The following SV2C variants were observed in gnomAD, a reference collection of about 807,000 sequenced individuals.
SV2C encodes solute carrier family 22 member B3.
SV2C carries 49 observed loss-of-function variants against 79.7 expected under a neutral mutation model. That is an observed-to-expected ratio of 0.61 (90% CI 0.49 to 0.78). The LOEUF (loss-of-function observed/expected upper bound fraction) is 0.78. Among genes scored for constraint, SV2C ranks in the 30% least tolerant of loss-of-function variants. SV2C has a pLI of 0.00. For synonymous variants in SV2C, 334 were observed against 333.2 expected (o/e 1.00, Z -0.03); for missense variants, 833 against 912.9 (o/e 0.91, Z 1.13).
the SV2C span, among the ~76,000 whole-genome samples, chr5:75,865,895 C>T: frequency 3.3e-5 from 5 of 152,196 alleles, no homozygotes; most frequent in Admixed American, 1.3e-4. Flanking sequence ...ACAATGGGCA[C>T]ATGAATGGAG....
At chr5:76,148,366 T>A (rs1352612409) in intron 2 of SV2C, among the ~76,000 whole-genome samples, 1 of 152,178 alleles carries the variant, frequency 6.6e-6, no homozygotes, top group Non-Finnish European at 1.5e-5. Flanking sequence ...CAAAATGGAT[T>A]TAAGATTTAA....
the SV2C span, among the ~76,000 whole-genome samples, chr5:75,995,947 T>C: frequency 6.6e-6 from 1 of 152,150 alleles, no homozygotes; most frequent in African/African-American, 2.4e-5. Context: ...CTCTCCAATG[T>C]ACATGTGGTA....
chr5:75,897,932 T>G, the SV2C span, among the ~76,000 whole-genome samples: 1 of 151,906 alleles, frequency 6.6e-6, no homozygotes, highest in Non-Finnish European at 1.5e-5. Flanking sequence ...TCCTGAGACT[T>G]TGCTGAAGTT....
intron 4 of SV2C, among the ~76,000 whole-genome samples, chr5:76,229,478 G>A (rs1745348416): frequency 5.3e-5 from 8 of 152,236 alleles, no homozygotes; most frequent in Admixed American, 5.2e-4. Context: ...AAGTCCTTCA[G>A]TGGGGTTAGT....
intron 12 of SV2C, among the ~76,000 whole-genome samples, chr5:76,319,316 G>A (rs972480364): frequency 6.6e-6 from 1 of 152,040 alleles, no homozygotes; most frequent in Middle Eastern, 3.4e-3. Flanking sequence ...CTACCAAAAG[G>A]CTGAGGTGGG....
chr5:76,054,147 C>T, the SV2C span, among the ~76,000 whole-genome samples: 2,114 of 152,144 alleles, frequency 0.014, 32 homozygotes, highest in Non-Finnish European at 0.02. Flanking sequence ...CCTCCCTTTA[C>T]CCACCCCCCT....
rs567388516 is a variant in SV2C, at chr5:76,135,839, G to T, written c.580+3509G>T. On this transcript the variant is annotated intron_variant, in intron 2 of 12. Transcript: ENST00000502798. ...GTGGTTGTTGAGGGGGGCAGGTATGGTTCTAAGATTACCCCTAGGCAGGAA... is the reference window on the plus strand; with the variant it reads ...GTGGTTGTTGAGGGGGGCAGGTATGTTTCTAAGATTACCCCTAGGCAGGAA... Among the ~76,000 whole-genome samples the T allele has an allele frequency of 2.8e-4, 42 of 152,236 alleles. 1 individual carries two copies. In the South Asian group the frequency reaches 8.7e-3, roughly 32 times the overall value.
At chr5:76,260,721 T>C (rs1232634984) in intron 4 of SV2C, among the ~76,000 whole-genome samples, 1 of 152,364 alleles carries the variant, frequency 6.6e-6, no homozygotes, top group South Asian at 2.1e-4. Flanking sequence ...ATTGCTTGTT[T>C]TTGTCAGGTT....
chr5:76,069,478 T>C, the SV2C span, among the ~76,000 whole-genome samples: 3 of 151,950 alleles, frequency 2.0e-5, no homozygotes, highest in South Asian at 2.1e-4. Context: ...TGTTTTGTCC[T>C]GTACAGGGCC....
At chr5:75,956,826 G>A in the SV2C span, among the ~76,000 whole-genome samples, 1 of 151,972 alleles carries the variant, frequency 6.6e-6, no homozygotes, top group Non-Finnish European at 1.5e-5. Context: ...CCCACTGGTA[G>A]AGATAGCAGC....
the SV2C span, among the ~76,000 whole-genome samples, chr5:75,964,082 T>C: frequency 6.6e-6 from 1 of 152,128 alleles, no homozygotes; most frequent in Non-Finnish European, 1.5e-5. Context: ...TTAAGGTCCT[T>C]CTGTCTCTTG....
At chr5:75,867,727 C>A in the SV2C span, among the ~76,000 whole-genome samples, 39 of 152,272 alleles carry the variant, frequency 2.6e-4, no homozygotes, top group Non-Finnish European at 3.1e-4. Flanking sequence ...GTGAAGATTT[C>A]CTGTCTTTCC....
At chr5:76,344,624 G>A (rs1023078015) in intron 12 of SV2C, among the ~76,000 whole-genome samples, 3 of 152,124 alleles carry the variant, frequency 2.0e-5, no homozygotes, top group African/African-American at 4.8e-5. Flanking sequence ...TAGGAGAATC[G>A]CTTGAACCTG....
chr5:75,995,775 G>A, the SV2C span, among the ~76,000 whole-genome samples: 2 of 152,156 alleles, frequency 1.3e-5, no homozygotes, highest in Non-Finnish European at 1.5e-5. Context: ...GACATTAGAA[G>A]CTCATTCAGG....
At chr5:76,242,090 A>G in intron 4 of SV2C, 1 of 1,450,706 alleles carries the variant, frequency 6.9e-7, no homozygotes, top group Non-Finnish European at 9.6e-7. Context: ...CATTTCCTGC[A>G]GGGTTATTTC....
chr5:76,184,288 T>C (rs531503555), intron 2 of SV2C, among the ~76,000 whole-genome samples: 2 of 152,334 alleles, frequency 1.3e-5, no homozygotes, highest in East Asian at 3.9e-4. Flanking sequence ...AACTGTGTCC[T>C]ATTCAAGTTT....
At chr5:75,873,758 A>T in the SV2C span, among the ~76,000 whole-genome samples, 5 of 152,168 alleles carry the variant, frequency 3.3e-5, no homozygotes, top group Non-Finnish European at 5.9e-5. Flanking sequence ...AATTAAAAAA[A>T]GAATCAGAAA....
intron 2 of SV2C, among the ~76,000 whole-genome samples, chr5:76,151,396 G>A (rs758901835): frequency 7.2e-5 from 11 of 152,210 alleles, no homozygotes; most frequent in Non-Finnish European, 1.3e-4. Context: ...AGTGGTTGAC[G>A]TGTGAGCAGC....
the SV2C span, among the ~76,000 whole-genome samples, chr5:76,029,368 TCCCCAACC>T: frequency 4.6e-5 from 7 of 152,324 alleles, no homozygotes; most frequent in East Asian, 9.7e-4. Context: ...TTTGACCATC[TCCCCAACC>T]CCCTAACCTC....
Sources: gnomAD v4.1 joint callset for allele counts (sites outside exome capture counted in the v4.1 genomes callset) on GRCh38, gnomAD v4.1.1 for gene constraint, MANE v1.5 for transcripts, NCBI Gene and HGNC (gene_info 2026-07-23, HGNC 2026-07-21) for gene names.